Variants in TNFSF18 observed in about 807,000 individuals in gnomAD.
TNFSF18 encodes the protein TNF superfamily member 18.
Under a neutral mutation model 9.6 loss-of-function variants are expected in TNFSF18, and 6 were observed. That is an observed-to-expected ratio of 0.63 (90% CI 0.34 to 1.24). The LOEUF is 1.24. Among genes scored for constraint, TNFSF18 ranks in the 50% most tolerant of loss-of-function variants. The pLI is 0.03. For synonymous variants in TNFSF18, 68 were observed against 71.7 expected (o/e 0.95, Z 0.26); for missense variants, 210 against 201.0 (o/e 1.04, Z -0.27).
intron 2 of TNFSF18, 147 bp from the exon 3 acceptor site, chr1:173,041,860 T>C: frequency 1.4e-6 from 1 of 695,098 alleles, no homozygotes; most frequent in Non-Finnish European, 2.3e-6. Context: ...AATTTTTCTA[T>C]TTTAAGTACC....
chr1:173,048,531 G>A (rs954890011), intron 1 of TNFSF18, among the ~76,000 whole-genome samples: 1 of 152,098 alleles, frequency 6.6e-6, no homozygotes, highest in African/African-American at 2.4e-5. Flanking sequence ...TAATTCCTGT[G>A]AGATTATTTT....
At position 173,050,845 on chromosome 1, in the gene TNFSF18, C is replaced by G. The variant is rs767335465; in HGVS notation, c.52G>C (p.Gly18Arg). 10 of 1,613,776 alleles carry G rather than the reference C, an allele frequency of 6.2e-6. No individual in the cohort carries two copies. In the East Asian group the frequency reaches 1.8e-4, roughly 29 times the overall value. ...NMPLSHSRTQ[G>R]AQRSSWKLWL... ...AGCTTCCAGGATGATCTCTGAGCTC[C>G]TTGAGTTCTTGAATGGCTTAAAGGC... The change falls in exon 1 of 3, where the codon GGA (glycine) becomes CGA (arginine). Residue 18 changes from glycine (G) to arginine (R), a missense_variant. Transcript: ENST00000404377.
At chr1:173,046,141 T>A (rs1419870678) in intron 1 of TNFSF18, among the ~76,000 whole-genome samples, 4 of 152,246 alleles carry the variant, frequency 2.6e-5, no homozygotes, top group South Asian at 4.2e-4. Flanking sequence ...TTTCAAAAAA[T>A]TTTATGTTTT....
In TNFSF18 at chr1:173,040,165, G is replaced by C. The variant is rs1664967104; in HGVS notation, c.*1202C>G. 2 of 151,940 alleles carry C rather than the reference G, an allele frequency of 1.3e-5. No homozygotes were observed. The highest frequency in any genetic ancestry group is 4.8e-5 in the African/African-American group (2 of 41,356). The allele number at this position is 151,940 out of a possible 1,614,324, so 9.4% of individuals were successfully genotyped here. ...TAAGATGGGCCCTGCAAAGTGAAGA[G>C]GGGAATTTGGTTGGGATAAGGCCTG... On this transcript the variant is annotated 3_prime_UTR_variant, in exon 3 of 3. Transcript: ENST00000404377.
chr1:173,049,336 C>A (rs1169813652), intron 1 of TNFSF18, among the ~76,000 whole-genome samples: 2 of 152,164 alleles, frequency 1.3e-5, no homozygotes, highest in African/African-American at 4.8e-5. Flanking sequence ...AAGAAAGAAG[C>A]ACTTCCAAAT....
chr1:173,044,311 C>T (rs1665044222), intron 1 of TNFSF18, among the ~76,000 whole-genome samples: 1 of 151,908 alleles, frequency 6.6e-6, no homozygotes, highest in African/African-American at 2.4e-5. Context: ...AGTTTCCACA[C>T]CCCAGTGACT....
chr1:173,044,020 A>T (rs1665032698), intron 1 of TNFSF18, 51 bp from the exon 2 acceptor site: 17 of 1,510,026 alleles, frequency 1.1e-5, no homozygotes, highest in Non-Finnish European at 1.6e-5. Flanking sequence ...AGTGTCATTA[A>T]TTTTTTTGAT....
intron 1 of TNFSF18, among the ~76,000 whole-genome samples, chr1:173,046,458 G>A (rs60503324): frequency 0.22 from 33,795 of 151,924 alleles, 5,070 homozygotes; most frequent in East Asian, 0.75. Flanking sequence ...CAGTCATGAT[G>A]GTCAAAATCA....
At chr1:173,049,885 A>C (rs965534526) in intron 1 of TNFSF18, among the ~76,000 whole-genome samples, 2 of 152,188 alleles carry the variant, frequency 1.3e-5, no homozygotes, top group African/African-American at 4.8e-5. Flanking sequence ...TTAGTAAAGA[A>C]CAAAACTAAT....
chr1:173,042,990 G>A (rs1441052750), intron 2 of TNFSF18, among the ~76,000 whole-genome samples: 2 of 152,102 alleles, frequency 1.3e-5, no homozygotes, highest in East Asian at 1.9e-4. Flanking sequence ...TCCTTGACAT[G>A]TAATAGGCAA....
chr1:173,044,643 C>T (rs1665050097), intron 1 of TNFSF18, among the ~76,000 whole-genome samples: 1 of 152,162 alleles, frequency 6.6e-6, no homozygotes, highest in Non-Finnish European at 1.5e-5. Context: ...TAACCACAAA[C>T]ATTTTTTGTA....
chr1:173,040,109 A>AT lies in TNFSF18; in HGVS notation c.*1257dup, dbSNP rs1335298413. 6.6e-6 allele frequency: 1 copy of AT among 152,038 alleles called. No homozygotes were observed. Among genetic ancestry groups the AT allele is most frequent in the Non-Finnish European group, 1.5e-5 (1 of 68,018 alleles). 9.4% of individuals were successfully genotyped at this position (152,038 alleles called of 1,614,324 possible). ...AGTCCAAAAATTTTGAATTAGTGCTATTTATTATTTTAGAAGTTAGCACAT... is the reference window on the plus strand; with the variant it reads ...AGTCCAAAAATTTTGAATTAGTGCTATTTTATTATTTTAGAAGTTAGCACAT... On this transcript the variant is annotated 3_prime_UTR_variant, in exon 3 of 3. Transcript: ENST00000404377.
chr1:173,046,663 G>A (rs1665089194), intron 1 of TNFSF18, among the ~76,000 whole-genome samples: 1 of 151,952 alleles, frequency 6.6e-6, no homozygotes, highest in African/African-American at 2.4e-5. Context: ...CATTGTGAGA[G>A]TTACATTGAA....
rs980979373 is a variant in TNFSF18, at chr1:173,050,639, C to T, written c.156+102G>A. ...ATTATGTATACACATCTCTTCCTTC[C>T]AACTATTGCTAACAATACTGAGTGA... On this transcript the variant is annotated intron_variant, in intron 1 of 2. Coordinates refer to ENST00000404377, the MANE Select transcript of TNFSF18 (RefSeq NM_005092.4). 1.6e-5 allele frequency: 12 copies of T among 771,460 alleles called. 1 individual carries two copies. The highest frequency in any genetic ancestry group is 2.5e-5 in the Non-Finnish European group (12 of 478,994). The allele number at this position is 771,460 out of a possible 1,614,324, so 47.8% of individuals were successfully genotyped here.
intron 1 of TNFSF18, among the ~76,000 whole-genome samples, chr1:173,044,939 A>G (rs1665055588): frequency 6.6e-6 from 1 of 152,188 alleles, no homozygotes; most frequent in Non-Finnish European, 1.5e-5. Context: ...GGGGTAGGGA[A>G]TGAGAAGAAA....
rs143979974 is a variant in TNFSF18, at chr1:173,050,869, G to A, written c.28C>T (p.Pro10Ser). The change falls in exon 1 of 3, where the codon CCT becomes TCT. Residue 10 changes from proline to serine, a missense_variant. Transcript: ENST00000404377. ...CCTTGAGTTCTTGAATGGCTTAAAG[G>A]CATATTTTCCAAGTGGCTCAAACAC... The part of the protein sequence containing the change: MCLSHLENM[P>S]LSHSRTQGAQ... The A allele has an allele frequency of 1.9e-6, 3 of 1,613,796 alleles. No homozygotes were observed. Among genetic ancestry groups the A allele is most frequent in the East Asian group, 4.5e-5 (2 of 44,872 alleles).
chr1:173,045,648 GTTGT>G (rs1665069749), intron 1 of TNFSF18, among the ~76,000 whole-genome samples: 1 of 152,020 alleles, frequency 6.6e-6, no homozygotes, highest in South Asian at 2.1e-4. Flanking sequence ...TGTTGTTGTT[GTTGT>G]TGTTGTTGTT....
Position 173,049,519 on chromosome 1 carries a change from T to C in TNFSF18, c.156+1222A>G, listed in dbSNP as rs551572591. ...ATGCCTCTGTTGCACATAAGCCTTG[T>C]ATACAGTTATGGAATACAAATTAAT... On this transcript the variant is annotated intron_variant, in intron 1 of 2. Transcript: ENST00000404377. 2.7e-3 allele frequency among the ~76,000 whole-genome samples: 412 copies of C among 152,314 alleles called. 4 individuals carry two copies. The highest frequency in any genetic ancestry group is 0.017 in the Middle Eastern group (5 of 294).
chr1:173,048,279 T>A (rs1469611001), intron 1 of TNFSF18, among the ~76,000 whole-genome samples: 1 of 152,048 alleles, frequency 6.6e-6, no homozygotes, highest in African/African-American at 2.4e-5. Context: ...CACATATGGG[T>A]TCGTTATTTT....
Sources: gnomAD v4.1 joint callset for allele counts (sites outside exome capture counted in the v4.1 genomes callset) on GRCh38, gnomAD v4.1.1 for gene constraint, MANE v1.5 for transcripts, NCBI Gene and HGNC (gene_info 2026-07-23, HGNC 2026-07-21) for gene names.